Variants in TMCC3 observed in about 807,000 individuals in gnomAD.
TMCC3 encodes transmembrane and coiled-coil domain family 3, also known as transmembrane and coiled-coil domain protein 3.
TMCC3 carries 28 observed loss-of-function variants against 40.2 expected under a neutral mutation model. The observed-to-expected ratio is 0.70, with a 90% CI of 0.52 to 0.95. The LOEUF (loss-of-function observed/expected upper bound fraction) is 0.95. Among genes scored for constraint, TMCC3 ranks in the 40% least tolerant of loss-of-function variants. The probability of loss-of-function intolerance (pLI) is 0.00; values close to 1 mark genes in which losing one functional copy is unlikely to be tolerated. For missense variants in TMCC3, 554 were observed against 615.2 expected (o/e 0.90, Z 1.05); for synonymous variants, 255 against 248.5 (o/e 1.03, Z -0.25).
At position 94,587,853 on chromosome 12, in the gene TMCC3, A is replaced by G. The variant is rs530600221; in HGVS notation, c.79-5315T>C. The stretch of plus-strand genomic sequence containing the variant: ...AAATAAAATGTACTACTGTTTTGGC[A>G]GAAAAGACTTTGCTTTTAAGAATGA... On this transcript the variant is annotated intron_variant, in intron 1 of 3. Coordinates refer to ENST00000261226, the MANE Select transcript of TMCC3 (RefSeq NM_020698.4). Among the ~76,000 whole-genome samples the G allele has an allele frequency of 6.8e-4, 104 of 152,336 alleles. 1 individual carries two copies. Among genetic ancestry groups the G allele is most frequent in the African/African-American group, 2.4e-3 (101 of 41,580 alleles).
At chr12:94,625,314 G>A (rs1035918095) in intron 1 of TMCC3, among the ~76,000 whole-genome samples, 16 of 151,782 alleles carry the variant, frequency 1.1e-4, no homozygotes, top group Non-Finnish European at 1.8e-4. Context: ...TGGGCTGGGC[G>A]TAGTGGCTCA....
chr12:94,628,510 G>A (rs1464958153), intron 1 of TMCC3, among the ~76,000 whole-genome samples: 1 of 152,204 alleles, frequency 6.6e-6, no homozygotes, highest in African/African-American at 2.4e-5. Flanking sequence ...GGCAGCAAAG[G>A]GTGAACTCTG....
At chr12:94,598,879 A>T (rs964361384) in intron 1 of TMCC3, 3 of 661,740 alleles carry the variant, frequency 4.5e-6, no homozygotes, top group Admixed American at 1.3e-4. Context: ...CCTTCTTAGA[A>T]CCTAAGTCTG....
chr12:94,644,050 T>G (rs2069004938), intron 1 of TMCC3, among the ~76,000 whole-genome samples: 1 of 152,218 alleles, frequency 6.6e-6, no homozygotes, highest in African/African-American at 2.4e-5. Context: ...TAACTATTAT[T>G]GTGACTGCAT....
At chr12:94,640,077 G>A (rs1464602759) in intron 1 of TMCC3, among the ~76,000 whole-genome samples, 1 of 152,214 alleles carries the variant, frequency 6.6e-6, no homozygotes, top group Non-Finnish European at 1.5e-5. Flanking sequence ...CACAGTGAGC[G>A]AGTTATTTCC....
chr12:94,636,165 T>C (rs2068959857), intron 1 of TMCC3, among the ~76,000 whole-genome samples: 1 of 152,172 alleles, frequency 6.6e-6, no homozygotes, highest in Admixed American at 6.5e-5. Flanking sequence ...CAGGTAACAA[T>C]GCAAAAAATT....
At chr12:94,641,905 A>C (rs2068993129) in intron 1 of TMCC3, among the ~76,000 whole-genome samples, 1 of 151,524 alleles carries the variant, frequency 6.6e-6, no homozygotes, top group South Asian at 2.1e-4. Context: ...CACTAAGAGG[A>C]ACCACAAAAA....
intron 1 of TMCC3, among the ~76,000 whole-genome samples, chr12:94,626,614 C>G (rs2068905399): frequency 6.6e-6 from 1 of 152,126 alleles, no homozygotes; most frequent in Non-Finnish European, 1.5e-5. Flanking sequence ...TTCCATTTCT[C>G]TACCCATTTA....
intron 1 of TMCC3, chr12:94,590,958 T>C (rs1041676375): frequency 1.7e-6 from 1 of 574,590 alleles, no homozygotes; most frequent in South Asian, 1.4e-5. Context: ...CACATGCTTA[T>C]GATCAACATT....
At chr12:94,618,717 T>C (rs1193356374) in intron 1 of TMCC3, among the ~76,000 whole-genome samples, 2 of 152,190 alleles carry the variant, frequency 1.3e-5, no homozygotes, top group African/African-American at 4.8e-5. Context: ...TTCTCTAGGA[T>C]GTTTCTGAAC....
intron 1 of TMCC3, among the ~76,000 whole-genome samples, chr12:94,645,250 C>T (rs561128270): frequency 6.6e-4 from 100 of 152,284 alleles, no homozygotes; most frequent in African/African-American, 2.3e-3. Flanking sequence ...TATAAACAGT[C>T]AATGTCATGA....
Position 94,571,553 on chromosome 12 carries a change from A to T in TMCC3, c.1316T>A (p.Met439Lys). 2.5e-6 allele frequency: 4 copies of T among 1,614,178 alleles called. No individual in the cohort carries two copies. Among genetic ancestry groups the T allele is most frequent in the Non-Finnish European group, 3.4e-6 (4 of 1,180,040 alleles). The change falls in exon 4 of 4, where the codon ATG becomes AAG. Residue 439 changes from methionine (M) to lysine (K), a missense_variant. Physicochemically the swap from Met to Lys is moderately conservative, Grantham distance 95. Transcript: ENST00000261226. ...VSTIAKFVSPMMKSRCHILGT... is the reference protein window; with the variant it reads ...VSTIAKFVSPKMKSRCHILGT... ...AAGAATGTGGCAGCGACTCTTCATCATGGGTGAGACGAACTTCGCGATGGT... is the reference window on the plus strand; with the variant it reads ...AAGAATGTGGCAGCGACTCTTCATCTTGGGTGAGACGAACTTCGCGATGGT...
In TMCC3 at chr12:94,567,845, A is replaced by G. The variant is rs1305281764; in HGVS notation, c.*3590T>C. ...CAACTATATCTGGATTCACTGCAAA[A>G]ACATTCCCATTCAATGCAAAATAAT... On this transcript the variant is annotated 3_prime_UTR_variant, in exon 4 of 4. Coordinates refer to ENST00000261226, the MANE Select transcript of TMCC3 (RefSeq NM_020698.4). The G allele has an allele frequency of 6.6e-6, 1 of 152,242 alleles. No homozygotes were observed. The highest frequency in any genetic ancestry group is 1.5e-5 in the Non-Finnish European group (1 of 68,044). The allele number at this position is 152,242 out of a possible 1,614,324, so 9.4% of individuals were successfully genotyped here.
chr12:94,641,650 T>C lies in TMCC3; in HGVS notation c.78+8703A>G, dbSNP rs560209784. On this transcript the variant is annotated intron_variant, in intron 1 of 3. Transcript: ENST00000261226. ...GGTTTAAGGGTTGTGTTATATTGTATGCAAATTTTATATATTGAAAACACT... is the reference window on the plus strand; with the variant it reads ...GGTTTAAGGGTTGTGTTATATTGTACGCAAATTTTATATATTGAAAACACT... 2.8e-4 allele frequency among the ~76,000 whole-genome samples: 43 copies of C among 152,250 alleles called. No individual in the cohort carries two copies. In the South Asian group the frequency reaches 8.5e-3, roughly 30 times the overall value.
intron 1 of TMCC3, among the ~76,000 whole-genome samples, chr12:94,640,979 C>T (rs1014524838): frequency 6.6e-6 from 1 of 152,162 alleles, no homozygotes; most frequent in South Asian, 2.1e-4. Context: ...GCAGGCAGAT[C>T]ACCTGAGGTC....
At position 94,592,661 on chromosome 12, in the gene TMCC3, C is replaced by CAAAAAAAAAAAAAAA. The variant is rs869058316; in HGVS notation, c.79-10138_79-10124dup. ...TGAGCCTGGACAACAGGCTCCATCT[C>CAAAAAAAAAAAAAAA]AAAAAAAAAAAAAAAAAAAAAATTC... On this transcript the variant is annotated intron_variant, in intron 1 of 3. Transcript: ENST00000261226. Among the ~76,000 whole-genome samples, 110 of 27,480 alleles carry CAAAAAAAAAAAAAAA rather than the reference C, an allele frequency of 4.0e-3. 10 individuals are homozygous for CAAAAAAAAAAAAAAA. The highest frequency in any genetic ancestry group is 0.021 in the East Asian group (21 of 1,024). The allele number at this position is 27,480 out of a possible 152,430, so 18.0% of individuals were successfully genotyped here.
chr12:94,576,718 A>G (rs2068567342), intron 3 of TMCC3, among the ~76,000 whole-genome samples: 1 of 152,188 alleles, frequency 6.6e-6, no homozygotes, highest in African/African-American at 2.4e-5. Context: ...CCTGGCTTCA[A>G]GTGATCCTCC....
At chr12:94,621,140 T>G (rs542094511) in intron 1 of TMCC3, among the ~76,000 whole-genome samples, 1 of 152,368 alleles carries the variant, frequency 6.6e-6, no homozygotes, top group South Asian at 2.1e-4. Context: ...TAGAAAACGC[T>G]GTGTTATCCA....
intron 1 of TMCC3, among the ~76,000 whole-genome samples, chr12:94,629,502 G>A (rs544608576): frequency 2.0e-5 from 3 of 152,190 alleles, no homozygotes; most frequent in Admixed American, 6.5e-5. Flanking sequence ...TCAGGGCCTC[G>A]CACAGTGCTG....
Sources: gnomAD v4.1 joint callset for allele counts (sites outside exome capture counted in the v4.1 genomes callset) on GRCh38, gnomAD v4.1.1 for gene constraint, MANE v1.5 for transcripts, NCBI Gene and HGNC (gene_info 2026-07-23, HGNC 2026-07-21) for gene names.